OXR1: variants seen among roughly 807,000 people sequenced by gnomAD.
The protein encoded by OXR1 is oxidation resistance 1, also known as oxidation resistance protein 1.
OXR1 carries 41 observed loss-of-function variants against 104.6 expected under a neutral mutation model. The ratio of observed to expected loss-of-function variants is 0.39; its 90% CI spans 0.31 to 0.51. OXR1 has a LOEUF of 0.51. Among genes scored for constraint, OXR1 ranks in the 20% least tolerant of loss-of-function variants. OXR1 has a pLI of 0.77. For synonymous variants in OXR1, 348 were observed against 348.4 expected, an observed-to-expected ratio of 1.00 and a Z score of 0.01; for missense variants, 955 against 1,031.9, an observed-to-expected ratio of 0.93 and a Z score of 1.02.
intron 7 of OXR1, 140 bp from the exon 8 acceptor site, chr8:106,702,766 G>T: frequency 3.4e-6 from 2 of 590,264 alleles, no homozygotes; most frequent in Non-Finnish European, 5.5e-6. Context: ...AATAAAAATG[G>T]TTTCATGAGA....
chr8:106,504,547 A>T (rs926413028), intron 2 of OXR1, among the ~76,000 whole-genome samples: 1 of 152,214 alleles, frequency 6.6e-6, no homozygotes, highest in African/African-American at 2.4e-5. Context: ...GCAATTGTTT[A>T]TCATTTACTT....
rs780711731 is a variant in OXR1 at position 106,706,642 on chromosome 8, A to G, written c.1121A>G (p.Asn374Ser). ...TCATCAGAATCTGTGCAAACTGTCA[A>G]TCAGGCTGAAGTAGAAAGTCTGACA... ...GASSESVQTV[N>S]QAEVESLTVK... Residue 374 changes from asparagine to serine, a missense_variant, in exon 9 of 17, where the codon AAT becomes AGT. Asn to Ser is a conservative substitution (Grantham distance 46). This residue lies in a region of OXR1 where 849 missense variants were observed against 852.9 expected (regional missense o/e 1.00). Transcript: ENST00000517566. The G allele has an allele frequency of 5.9e-5, 95 of 1,613,570 alleles. No individual in the cohort carries two copies. Among genetic ancestry groups the G allele is most frequent in the Middle Eastern group, 1.6e-4 (1 of 6,076 alleles).
chr8:106,423,861 T>G (rs1819001853), intron 2 of OXR1, among the ~76,000 whole-genome samples: 2 of 152,158 alleles, frequency 1.3e-5, no homozygotes, highest in Non-Finnish European at 2.9e-5. Context: ...ATAGGGAAAA[T>G]GTAAAATCTC....
At chr8:106,326,897 A>G (rs1228543087) in intron 1 of OXR1, among the ~76,000 whole-genome samples, 10 of 152,176 alleles carry the variant, frequency 6.6e-5, no homozygotes, top group Admixed American at 6.6e-5. Context: ...TCTGTTTAGA[A>G]CTTTGTATTT....
chr8:106,494,074 A>G (rs1422338682), intron 2 of OXR1, among the ~76,000 whole-genome samples: 1 of 152,194 alleles, frequency 6.6e-6, no homozygotes, highest in Non-Finnish European at 1.5e-5. Flanking sequence ...AATTGTAAGC[A>G]TGTTATTATT....
chr8:106,430,517 G>A lies in OXR1; in HGVS notation c.23+70881G>A, dbSNP rs1819321118. Among the ~76,000 whole-genome samples the A allele has an allele frequency of 1.3e-5, 2 of 152,186 alleles. 1 individual carries two copies. The highest frequency in any genetic ancestry group is 4.1e-4 in the South Asian group (2 of 4,828). On this transcript the variant is annotated intron_variant, in intron 2 of 16. Coordinates refer to ENST00000517566, the MANE Select transcript of OXR1 (RefSeq NM_001198533.2). ...ACACTCTCCTAAACACCTGCTGGGT[G>A]TAAAATGATGCCCTACCTCTATTGA...
intron 3 of OXR1, among the ~76,000 whole-genome samples, chr8:106,576,482 A>G (rs56022937): frequency 0.46 from 66,225 of 144,664 alleles, 15,511 homozygotes; most frequent in Admixed American, 0.51. Context: ...AAAAAAAAAA[A>G]AAAGAAAACA....
chr8:106,578,421 C>T (rs1404642266), intron 3 of OXR1, among the ~76,000 whole-genome samples: 1 of 152,126 alleles, frequency 6.6e-6, no homozygotes, highest in Non-Finnish European at 1.5e-5. Context: ...ATTTTCCTAC[C>T]AGTTAATATT....
At chr8:106,510,980 T>A (rs1331912419) in intron 2 of OXR1, among the ~76,000 whole-genome samples, 1 of 152,224 alleles carries the variant, frequency 6.6e-6, no homozygotes. Flanking sequence ...CGATTCCACG[T>A]TAATGAGACT....
chr8:106,584,149 A>G (rs1818451993), intron 3 of OXR1, among the ~76,000 whole-genome samples: 1 of 152,076 alleles, frequency 6.6e-6, no homozygotes, highest in South Asian at 2.1e-4. Context: ...AGTTAAAGGT[A>G]TAATTGCATA....
chr8:106,561,665 C>T (rs903492632), intron 3 of OXR1, among the ~76,000 whole-genome samples: 3 of 152,212 alleles, frequency 2.0e-5, no homozygotes, highest in Admixed American at 6.5e-5. Context: ...CCCTGACCCC[C>T]GTGCCTCCTG....
intron 1 of OXR1, among the ~76,000 whole-genome samples, chr8:106,327,264 T>C (rs2130204954): frequency 6.6e-6 from 1 of 152,308 alleles, no homozygotes; most frequent in Middle Eastern, 3.4e-3. Flanking sequence ...TTTTATGTCC[T>C]TTCAAAAAGC....
At chr8:106,710,335 G>T (rs776952) in intron 9 of OXR1, among the ~76,000 whole-genome samples, 1 of 151,614 alleles carries the variant, frequency 6.6e-6, no homozygotes, top group Non-Finnish European at 1.5e-5. Context: ...CTTTAGTATG[G>T]GTGTTGAAAA....
intron 11 of OXR1, among the ~76,000 whole-genome samples, chr8:106,731,355 C>T (rs983988488): frequency 6.6e-6 from 1 of 152,054 alleles, no homozygotes; most frequent in Non-Finnish European, 1.5e-5. Context: ...ATTTTCTAGT[C>T]TGTAGCTTGT....
At position 106,383,438 on chromosome 8, in the gene OXR1, G is replaced by A. The variant is rs1029292396; in HGVS notation, c.23+23802G>A. Among the ~76,000 whole-genome samples the A allele has an allele frequency of 2.0e-5, 3 of 152,194 alleles. 1 individual carries two copies. Among genetic ancestry groups the A allele is most frequent in the Admixed American group, 1.3e-4 (2 of 15,266 alleles). Reference sequence around the variant, plus strand: ...CAGCATTGTGTTAAAATGAAGCATCGCCTGTAAGCCAGATGTGTGCCCTTG... The same window carrying A: ...CAGCATTGTGTTAAAATGAAGCATCACCTGTAAGCCAGATGTGTGCCCTTG... On this transcript the variant is annotated intron_variant, in intron 2 of 16. Coordinates refer to ENST00000517566, the MANE Select transcript of OXR1 (RefSeq NM_001198533.2).
At chr8:106,643,980 G>A (rs1823869961) in intron 3 of OXR1, among the ~76,000 whole-genome samples, 4 of 152,118 alleles carry the variant, frequency 2.6e-5, no homozygotes, top group Admixed American at 2.6e-4. Context: ...TACTTTTATG[G>A]GAGAACAGTA....
At chr8:106,390,409 C>A (rs372833951) in intron 2 of OXR1, among the ~76,000 whole-genome samples, 3 of 152,130 alleles carry the variant, frequency 2.0e-5, no homozygotes, top group East Asian at 3.9e-4. Context: ...GTGTGCCAAG[C>A]ACTGTTCTAA....
At chr8:106,426,491 G>A (rs1684572834) in intron 2 of OXR1, among the ~76,000 whole-genome samples, 1 of 151,982 alleles carries the variant, frequency 6.6e-6, no homozygotes, top group Admixed American at 6.6e-5. Context: ...GCTTCAGTGT[G>A]GTCTTAGATT....
In OXR1 at chr8:106,443,289, T is replaced by G. The variant is rs189760751; in HGVS notation, c.24-75654T>G. ...AGAGACTGTTTATTATAATTTCAGG[T>G]TTTTTTTTGCATTTTGCTGAGGATC... On this transcript the variant is annotated intron_variant, in intron 2 of 16. Coordinates refer to ENST00000517566, the MANE Select transcript of OXR1 (RefSeq NM_001198533.2). 5.1e-3 allele frequency among the ~76,000 whole-genome samples: 769 copies of G among 151,088 alleles called. 4 individuals carry two copies. Among genetic ancestry groups the G allele is most frequent in the African/African-American group, 0.016 (677 of 41,176 alleles).
Sources: gnomAD v4.1 joint callset for allele counts (sites outside exome capture counted in the v4.1 genomes callset) on GRCh38, gnomAD v4.1.1 for gene constraint, gnomAD v4.1.1 regional missense constraint, MANE v1.5 for transcripts, NCBI Gene and HGNC (gene_info 2026-07-23, HGNC 2026-07-21) for gene names.